The following MUC17 variants were observed in gnomAD, a reference collection of about 807,000 sequenced individuals.
MUC17 encodes mucin 17, cell surface associated.
Under a neutral mutation model 170.3 loss-of-function variants are expected in MUC17, and 190 were observed. The observed-to-expected ratio is 1.12, with a 90% CI of 0.99 to 1.26. The LOEUF (loss-of-function observed/expected upper bound fraction) is 1.26. Ranked by LOEUF, MUC17 falls within the 50% of genes most tolerant of loss-of-function variation. The probability of loss-of-function intolerance (pLI) is 0.00; values close to 1 mark genes in which losing one functional copy is unlikely to be tolerated. For missense variants in MUC17, 6,415 were observed against 5,530.0 expected, an observed-to-expected ratio of 1.16 and a Z score of -5.08; for synonymous variants, 2,325 against 2,002.5, an observed-to-expected ratio of 1.16 and a Z score of -4.30.
chr7:101,057,893 A>T lies in MUC17; in HGVS notation c.13441-110A>T, dbSNP rs573011709. The T allele has an allele frequency of 6.3e-4, 592 of 940,606 alleles. 3 individuals carry two copies. The highest frequency in any genetic ancestry group is 9.5e-4 in the South Asian group (53 of 55,568). 58.3% of individuals were successfully genotyped at this position (940,606 alleles called of 1,614,324 possible). On this transcript the variant is annotated intron_variant, in intron 12 of 12. Coordinates refer to ENST00000306151, the MANE Select transcript of MUC17 (RefSeq NM_001040105.2). ...AGACCCTGTCTCAAAAAAATAATAA[A>T]AAATAAAAATAATTAAACAGAACAC...
chr7:101,034,213 A>C lies in MUC17; in HGVS notation c.2797A>C (p.Thr933Pro). ...STPLTSMPDSTTPVVSSEART... is the reference protein window; with the variant it reads ...STPLTSMPDSPTPVVSSEART... ...TCCATTAACAAGTATGCCTGACAGC[A>C]CCACGCCGGTAGTCAGTTCTGAGGC... The change falls in exon 3 of 13, where the codon ACC becomes CCC. Residue 933 changes from threonine (T) to proline (P), a missense_variant. Physicochemically the swap from Thr to Pro is conservative, Grantham distance 38. Transcript: ENST00000306151. The C allele has an allele frequency of 6.2e-7, 1 of 1,600,244 alleles. No individual in the cohort carries two copies. Among genetic ancestry groups the C allele is most frequent in the East Asian group, 2.3e-5 (1 of 43,590 alleles).
rs768811365 is a variant in MUC17 at position 101,041,848 on chromosome 7, C to G, written c.10432C>G (p.Leu3478Val). 2 of 1,613,966 alleles carry G rather than the reference C, an allele frequency of 1.2e-6. No individual in the cohort carries two copies. The highest frequency in any genetic ancestry group is 1.7e-6 in the Non-Finnish European group (2 of 1,179,988). ...TPVASSEAST[L>V]STTPVDTSTP... The stretch of plus-strand genomic sequence containing the variant: ...GGTGGCCAGTTCTGAGGCTAGCACC[C>G]TTTCAACAACTCCTGTTGACACCAG... The change falls in exon 3 of 13, where the codon CTT becomes GTT. Residue 3478 changes from leucine to valine, a missense_variant. Physicochemically the swap from Leu to Val is conservative, Grantham distance 32. Transcript: ENST00000306151.
Position 101,053,427 on chromosome 7 carries a change from A to G in MUC17, c.13354A>G (p.Ile4452Val), listed in dbSNP as rs1284199114. 3.7e-6 allele frequency: 6 copies of G among 1,613,692 alleles called. No individual in the cohort carries two copies. The highest frequency in any genetic ancestry group is 3.4e-6 in the Non-Finnish European group (4 of 1,179,790). Residue 4452 changes from isoleucine to valine, a missense_variant, in exon 11 of 13, where the codon ATC (isoleucine) becomes GTC (valine). Transcript: ENST00000306151. ...PGTFQNIGFD[I>V]CQDDDSIHLE... ...GACCTTCCAAAACATTGGCTTTGACATCTGCCAAGGTATTGGCCTTCCTCT... is the reference window on the plus strand; with the variant it reads ...GACCTTCCAAAACATTGGCTTTGACGTCTGCCAAGGTATTGGCCTTCCTCT...
At position 101,040,685 on chromosome 7, in the gene MUC17, C is replaced by G. The variant is rs202151447; in HGVS notation, c.9269C>G (p.Ala3090Gly). The G allele has an allele frequency of 8.1e-6, 13 of 1,613,262 alleles. No homozygotes were observed. Among genetic ancestry groups the G allele is most frequent in the Non-Finnish European group, 1.1e-5 (13 of 1,179,746 alleles). The change falls in exon 3 of 13, where the codon GCT (alanine) becomes GGT (glycine). Residue 3090 changes from alanine (A) to glycine (G), a missense_variant. Transcript: ENST00000306151. ...STEVSSSPTP[A>G]EGTSMPISTY... Reference sequence around the variant, plus strand: ...GAAGTCAGTTCATCTCCTACACCTGCTGAAGGTACCAGCATGCCAATCTCA... The same window carrying G: ...GAAGTCAGTTCATCTCCTACACCTGGTGAAGGTACCAGCATGCCAATCTCA...
At chr7:101,047,870 T>G in intron 3 of MUC17, 114 bp from the exon 4 acceptor site, 2 of 1,249,944 alleles carry the variant, frequency 1.6e-6, no homozygotes, top group Non-Finnish European at 1.1e-6. Context: ...TGCAAACGCA[T>G]TGTAAGCTGT....
At position 101,031,695 on chromosome 7, in the gene MUC17, G is replaced by C. The variant is rs1473027015; in HGVS notation, c.279G>C (p.Ser93=). Residue 93 remains serine (S), a synonymous_variant, in exon 3 of 13, where the codon TCG becomes TCC. Coordinates refer to ENST00000306151, the MANE Select transcript of MUC17 (RefSeq NM_001040105.2). ...LSCSTNPEMT[S]IESSVTSDTP... is the part of the protein sequence containing the mutation. Reference sequence around the variant, plus strand: ...GCAGCACCAACCCTGAGATGACCTCGATTGAGTCCAGTGTGACTTCAGACA... The same window carrying C: ...GCAGCACCAACCCTGAGATGACCTCCATTGAGTCCAGTGTGACTTCAGACA... 15 of 1,608,534 alleles carry C rather than the reference G, an allele frequency of 9.3e-6. No homozygotes were observed. Among genetic ancestry groups the C allele is most frequent in the Non-Finnish European group, 1.3e-5 (15 of 1,176,424 alleles).
At position 101,043,417 on chromosome 7, in the gene MUC17, C is replaced by T. The variant is rs758062624; in HGVS notation, c.12001C>T (p.Pro4001Ser). The T allele has an allele frequency of 6.2e-6, 10 of 1,614,126 alleles. No individual in the cohort carries two copies. The highest frequency in any genetic ancestry group is 1.1e-5 in the South Asian group (1 of 91,072). The change falls in exon 3 of 13, where the codon CCC becomes TCC. Residue 4001 changes from proline (P) to serine (S), a missense_variant. Transcript: ENST00000306151. ...AACACCCGCAATGACTACTGCAGCT[C>T]CCCTCACATATGTGACCATGTCTAC... is the stretch of plus-strand genomic sequence containing the variant. ...FTTPAMTTAA[P>S]LTYVTMSTAP...
intron 12 of MUC17, 62 bp from the exon 13 acceptor site, chr7:101,057,941 G>A (rs1454233850): frequency 6.9e-7 from 1 of 1,442,766 alleles, no homozygotes; most frequent in East Asian, 2.3e-5. Flanking sequence ...TCCTCCTTAT[G>A]CTTCCAGAAT....
chr7:101,043,088 G>C lies in MUC17; in HGVS notation c.11672G>C (p.Gly3891Ala), dbSNP rs868528018. 3.7e-6 allele frequency: 6 copies of C among 1,614,056 alleles called. No homozygotes were observed. Among genetic ancestry groups the C allele is most frequent in the Non-Finnish European group, 5.1e-6 (6 of 1,179,998 alleles). ...VSTTLPTSFP[G>A]ASIASTPPLD... ...ACCACACTTCCAACTAGCTTTCCTG[G>C]GGCCAGCATAGCTTCGACACCTCCT... Residue 3891 changes from glycine to alanine, a missense_variant, in exon 3 of 13, where the codon GGG becomes GCG. Physicochemically the swap from Gly to Ala is moderately conservative, Grantham distance 60. Coordinates refer to ENST00000306151, the MANE Select transcript of MUC17 (RefSeq NM_001040105.2).
rs1291683401 is a variant in MUC17 at position 101,038,006 on chromosome 7, A to C, written c.6590A>C (p.Glu2197Ala). Residue 2197 changes from glutamate to alanine, a missense_variant, in exon 3 of 13, where the codon GAA becomes GCA. Glu to Ala is a moderately radical substitution (Grantham distance 107). Transcript: ENST00000306151. The stretch of plus-strand genomic sequence containing the variant: ...AGCACACCTGTGACCAATTCTACTG[A>C]AGCCCGTTCATCTCCTACAACTTCT... ...DTSTPVTNST[E>A]ARSSPTTSEG... is the part of the protein sequence containing the mutation. 6.2e-7 allele frequency: 1 copy of C among 1,608,090 alleles called. No individual in the cohort carries two copies. The highest frequency in any genetic ancestry group is 8.5e-7 in the Non-Finnish European group (1 of 1,176,848).
Position 101,038,134 on chromosome 7 carries a change from C to G in MUC17, c.6718C>G (p.Leu2240Val), listed in dbSNP as rs375822527. 1 of 1,608,450 alleles carries G rather than the reference C, an allele frequency of 6.2e-7. No homozygotes were observed. Among genetic ancestry groups the G allele is most frequent in the Non-Finnish European group, 8.5e-7 (1 of 1,177,614 alleles). The stretch of plus-strand genomic sequence containing the variant: ...GGTAGTTACTTCTGAGGCTAGCACC[C>G]TTTCAGCAACTCCTGTTGACACCAG... The part of the protein sequence containing the change: ...MPVVTSEAST[L>V]SATPVDTSTP... Residue 2240 changes from leucine to valine, a missense_variant, in exon 3 of 13, where the codon CTT becomes GTT. By Grantham distance (32) the Leu-to-Val change is conservative. Coordinates refer to ENST00000306151, the MANE Select transcript of MUC17 (RefSeq NM_001040105.2).
At position 101,041,222 on chromosome 7, in the gene MUC17, C is replaced by A. The variant is rs1187786564; in HGVS notation, c.9806C>A (p.Thr3269Asn). Residue 3269 changes from threonine to asparagine, a missense_variant, in exon 3 of 13, where the codon ACC becomes AAC. Transcript: ENST00000306151. Reference protein sequence around the residue: ...ASSSPPTAEGTSMPTSTPSEG... With the variant: ...ASSSPPTAEGNSMPTSTPSEG... ...TCATCTCCTCCCACTGCTGAAGGTA[C>A]CAGCATGCCAACCTCAACTCCTAGT... The A allele has an allele frequency of 1.2e-6, 2 of 1,613,554 alleles. No individual in the cohort carries two copies. Among genetic ancestry groups the A allele is most frequent in the Non-Finnish European group, 1.7e-6 (2 of 1,179,836 alleles).
rs1243756339 is a variant in MUC17 at position 101,036,948 on chromosome 7, A to G, written c.5532A>G (p.Ala1844=). ...ACAGTCCTGTGGTCACTTCTACAGCAGTCAGTTCATCTCCTACACCTGCTG... is the reference window on the plus strand; with the variant it reads ...ACAGTCCTGTGGTCACTTCTACAGCGGTCAGTTCATCTCCTACACCTGCTG... ...DSNSPVVTST[A]VSSSPTPAEG... Residue 1844 remains alanine (A), a synonymous_variant, in exon 3 of 13, where the codon GCA becomes GCG. Transcript: ENST00000306151. 2 of 1,583,870 alleles carry G rather than the reference A, an allele frequency of 1.3e-6. No individual in the cohort carries two copies. Among genetic ancestry groups the G allele is most frequent in the Non-Finnish European group, 1.7e-6 (2 of 1,178,868 alleles).
In MUC17 at chr7:101,034,036, AC is replaced by A. The variant is rs1413174807; in HGVS notation, c.2622del (p.Thr875HisfsTer22). On this transcript the variant is annotated frameshift_variant, in exon 3 of 13. Transcript: ENST00000306151. LOFTEE classifies it high-confidence loss of function. ...RTPLTSMPVS[T>X]TLVATSAIST... Reference sequence around the variant, plus strand: ...TCCTTTAACAAGTATGCCTGTCAGCACCACACTGGTGGCCACTTCTGCAATC... The same window carrying A: ...TCCTTTAACAAGTATGCCTGTCAGCACACACTGGTGGCCACTTCTGCAATC... 1 of 1,601,710 alleles carries A rather than the reference AC, an allele frequency of 6.2e-7. No homozygotes were observed. The highest frequency in any genetic ancestry group is 1.7e-5 in the Admixed American group (1 of 59,220).
rs780046894 is a variant in MUC17 at position 101,040,932 on chromosome 7, C to A, written c.9516C>A (p.Ser3172Arg). 2 of 1,613,760 alleles carry A rather than the reference C, an allele frequency of 1.2e-6. No homozygotes were observed. The highest frequency in any genetic ancestry group is 1.7e-6 in the Non-Finnish European group (2 of 1,179,902). The change falls in exon 3 of 13, where the codon AGC becomes AGA. Residue 3172 changes from serine (S) to arginine (R), a missense_variant. Transcript: ENST00000306151. ...CTCCATTAACATATATGCCTGTCAG[C>A]ACCATGCTGGTAGTCAGTTCTGAGG... ...GSTPLTYMPV[S>R]TMLVVSSEDS... is the part of the protein sequence containing the mutation.
intron 9 of MUC17, among the ~76,000 whole-genome samples, chr7:101,052,508 A>G (rs1794968067): frequency 1.3e-5 from 2 of 152,314 alleles, no homozygotes; most frequent in South Asian, 4.1e-4. Context: ...AGGGGGTCAC[A>G]AGCTGGAAAG....
Position 101,039,659 on chromosome 7 carries a change from A to T in MUC17, c.8243A>T (p.Asp2748Val). 1 of 1,612,314 alleles carries T rather than the reference A, an allele frequency of 6.2e-7. No individual in the cohort carries two copies. The highest frequency in any genetic ancestry group is 8.5e-7 in the Non-Finnish European group (1 of 1,179,536). Reference protein sequence around the residue: ...GTSMRISTPSDGSTPLTSILV... With the variant: ...GTSMRISTPSVGSTPLTSILV... ...AGCATGCGAATCTCAACTCCTAGTG[A>T]TGGAAGTACTCCATTAACAAGTATA... The change falls in exon 3 of 13, where the codon GAT becomes GTT. Residue 2748 changes from aspartate to valine, a missense_variant. Coordinates refer to ENST00000306151, the MANE Select transcript of MUC17 (RefSeq NM_001040105.2).
At position 101,040,085 on chromosome 7, in the gene MUC17, C is replaced by G. The variant is rs559056555; in HGVS notation, c.8669C>G (p.Ser2890Ter). 8 of 1,613,106 alleles carry G rather than the reference C, an allele frequency of 5.0e-6. No homozygotes were observed. In the Middle Eastern group the frequency reaches 5.0e-4, roughly 100 times the overall value. ...GCCAGTTCTGAGGCTAGCACCCTTT[C>G]AACAACTCCTGTTGATACCAGCATA... is the stretch of plus-strand genomic sequence containing the variant. ...PVASSEASTL[S>*]TTPVDTSIPV... is the part of the protein sequence containing the mutation. The change falls in exon 3 of 13, where the codon TCA (serine) becomes TGA (stop). Residue 2890 changes from serine (S) to a stop codon, truncating the protein, a stop_gained. Transcript: ENST00000306151. LOFTEE classifies it high-confidence loss of function.
At position 101,039,131 on chromosome 7, in the gene MUC17, G is replaced by A; in HGVS notation, c.7715G>A (p.Gly2572Glu). 1 of 1,613,422 alleles carries A rather than the reference G, an allele frequency of 6.2e-7. No individual in the cohort carries two copies. The highest frequency in any genetic ancestry group is 8.5e-7 in the Non-Finnish European group (1 of 1,179,908). The part of the protein sequence containing the change: ...TSMPTSTYSE[G>E]STPLRSMPVS... ...ATGCCTACCTCAACTTATAGTGAAG[G>A]AAGCACTCCATTAAGAAGTATGCCT... Residue 2572 changes from glycine to glutamate, a missense_variant, in exon 3 of 13, where the codon GGA (glycine) becomes GAA (glutamate). Transcript: ENST00000306151.
Sources: allele counts gnomAD v4.1 joint callset (sites outside exome capture counted in the v4.1 genomes callset), GRCh38; gene constraint gnomAD v4.1.1; transcripts MANE v1.5; gene names NCBI Gene and HGNC (gene_info 2026-07-23, HGNC 2026-07-21).